Variants in CFAP46 observed in about 807,000 individuals in gnomAD.
CFAP46 encodes the protein cilia- and flagella-associated protein 46.
CFAP46 carries 245 observed loss-of-function variants against 325.7 expected under a neutral mutation model. The observed-to-expected ratio is 0.75, with a 90% CI of 0.68 to 0.84. The LOEUF (loss-of-function observed/expected upper bound fraction) is 0.84. Among genes scored for constraint, CFAP46 ranks in the 40% least tolerant of loss-of-function variants. The probability of loss-of-function intolerance (pLI) is 0.00; values close to 1 mark genes in which losing one functional copy is unlikely to be tolerated. For synonymous variants in CFAP46, 1,523 were observed against 1,495.9 expected (o/e 1.02, Z -0.42); for missense variants, 3,346 against 3,543.0 (o/e 0.94, Z 1.41).
intron 5 of CFAP46, 31 bp downstream of exon 5, chr10:132,938,558 G>A: frequency 1.2e-6 from 2 of 1,603,408 alleles, no homozygotes; most frequent in East Asian, 2.2e-5. Flanking sequence ...CCCACCGGGA[G>A]GCCACAGAGG....
intron 38 of CFAP46, among the ~76,000 whole-genome samples, chr10:132,858,598 C>T (rs1487286510): frequency 1.3e-5 from 2 of 152,030 alleles, no homozygotes; most frequent in Non-Finnish European, 2.9e-5. Context: ...CGTCTGCGGC[C>T]GCGCTACAGA....
At chr10:132,862,397 CG>C (rs1848735144) in intron 35 of CFAP46, among the ~76,000 whole-genome samples, 2 of 69,148 alleles carry the variant, frequency 2.9e-5, no homozygotes, top group Admixed American at 2.2e-4. Flanking sequence ...AGAGCTTGGC[CG>C]GGGGTGAGGA....
intron 50 of CFAP46, among the ~76,000 whole-genome samples, chr10:132,818,286 C>G (rs895455458): frequency 1.1e-4 from 17 of 151,892 alleles, no homozygotes; most frequent in African/African-American, 3.9e-4. Context: ...AACTCCACTT[C>G]ACACTCCACA....
rs867681890 is a variant in CFAP46, at chr10:132,822,587, C to T, written c.7118-7673G>A. ...ATGTGTGCTGTGTGTGTGCTGTGTG[C>T]TGTGTGAGTGCTGATGTGTGCTGTG... On this transcript the variant is annotated intron_variant, in intron 50 of 57. Transcript: ENST00000368586. Among the ~76,000 whole-genome samples the T allele has an allele frequency of 5.4e-3, 627 of 116,786 alleles. 7 individuals are homozygous for T. In the Middle Eastern group the frequency reaches 0.083, roughly 16 times the overall value. 76.6% of individuals were successfully genotyped at this position (116,786 alleles called of 152,430 possible). A position where few individuals can be genotyped will look rare whatever the true frequency, so the allele number is the denominator to read the frequency against.
intron 50 of CFAP46, among the ~76,000 whole-genome samples, chr10:132,830,770 T>C (rs1591040457): frequency 6.6e-6 from 1 of 152,248 alleles, no homozygotes; most frequent in East Asian, 1.9e-4. Context: ...CTGGTTTGTG[T>C]TTCTGTTTCC....
chr10:132,822,268 TGTGC>T (rs1565036093), intron 50 of CFAP46, among the ~76,000 whole-genome samples: 2 of 83,540 alleles, frequency 2.4e-5, no homozygotes, highest in South Asian at 4.4e-4. Flanking sequence ...GTGCTGTGTG[TGTGC>T]TGTGTGAGTG....
chr10:132,841,207 G>A (rs550236559), intron 44 of CFAP46, among the ~76,000 whole-genome samples: 1 of 152,308 alleles, frequency 6.6e-6, no homozygotes, highest in South Asian at 2.1e-4. Flanking sequence ...TTATCTATGA[G>A]CCTGTGAAAT....
rs773734459 is a variant in CFAP46 at position 132,926,622 on chromosome 10, C to T, written c.1011G>A (p.Ser337=). 1.2e-5 allele frequency: 18 copies of T among 1,536,124 alleles called. No homozygotes were observed. Among genetic ancestry groups the T allele is most frequent in the African/African-American group, 4.1e-5 (3 of 73,042 alleles). The change falls in exon 10 of 58, where the codon TCG becomes TCA. Residue 337 remains serine (S), a synonymous_variant. Transcript: ENST00000368586. Reference sequence around the variant, plus strand: ...TCTTACTTTCAAGTCTTAAAGCTTCCGATTCACACTCCAGACATTCCATTT... The same window carrying T: ...TCTTACTTTCAAGTCTTAAAGCTTCTGATTCACACTCCAGACATTCCATTT... ...LIEMECLECE[S]EALRLESKMK...
chr10:132,832,887 G>A lies in CFAP46; in HGVS notation c.7117+471C>T, dbSNP rs149834546. On this transcript the variant is annotated intron_variant, in intron 50 of 57. Coordinates refer to ENST00000368586, the MANE Select transcript of CFAP46 (RefSeq NM_001200049.3). The surrounding 1 kb of genome is among the most constrained non-coding windows in gnomAD (Gnocchi z 4.1). Reference sequence around the variant, plus strand: ...AGGTATTTGTGGGGGCAAGAACAGCGTTAAGTTTGTCTTCCCTGTGTGTTT... The same window carrying A: ...AGGTATTTGTGGGGGCAAGAACAGCATTAAGTTTGTCTTCCCTGTGTGTTT... 56 of 459,040 alleles carry A rather than the reference G, an allele frequency of 1.2e-4. No homozygotes were observed. In the East Asian group the frequency reaches 2.4e-3, roughly 20 times the overall value. The allele number at this position is 459,040 out of a possible 1,614,324, so 28.4% of individuals were successfully genotyped here. A position where few individuals can be genotyped will look rare whatever the true frequency, so the allele number is the denominator to read the frequency against.
rs1028224363 is a variant in CFAP46, at chr10:132,939,313, T to A, written c.372-560A>T. 1.3e-5 allele frequency among the ~76,000 whole-genome samples: 2 copies of A among 151,688 alleles called. No individual in the cohort carries two copies. Among genetic ancestry groups the A allele is most frequent in the African/African-American group, 4.8e-5 (2 of 41,248 alleles). ...AAAGTTCCCGTCTGCCAGCATAGAG[T>A]GTGAAGTGGAGGAGGGTGGGCTGGA... On this transcript the variant is annotated intron_variant, in intron 4 of 57. Transcript: ENST00000368586. This position sits in a 1 kb window ranked among gnomAD's most constrained non-coding sequence, Gnocchi z 4.6.
At chr10:132,912,223 TCTC>T (rs1849551904) in intron 19 of CFAP46, among the ~76,000 whole-genome samples, 2 of 46,466 alleles carry the variant, frequency 4.3e-5, no homozygotes, top group Non-Finnish European at 5.2e-5. Context: ...TCCTCTCTCT[TCTC>T]CTCTCTCCTG....
rs763320796 is a variant in CFAP46 at position 132,879,452 on chromosome 10, A to G, written c.3979T>C (p.Tyr1327His). 2 of 1,536,344 alleles carry G rather than the reference A, an allele frequency of 1.3e-6. No individual in the cohort carries two copies. Among genetic ancestry groups the G allele is most frequent in the Non-Finnish European group, 1.8e-6 (2 of 1,139,164 alleles). The change falls in exon 29 of 58, where the codon TAC (tyrosine) becomes CAC (histidine). Residue 1327 changes from tyrosine to histidine, a missense_variant. By Grantham distance (83) the Tyr-to-His change is moderately conservative. Coordinates refer to ENST00000368586, the MANE Select transcript of CFAP46 (RefSeq NM_001200049.3). ...EGYEDCCLAA[Y>H]AFFRHIWQVS... ...TGCCAGATGTGCCTGAAGAAGGCGT[A>G]GGCTGCAAGGCAGCAGTCCTCGTAG...
At chr10:132,867,741 C>T (rs1234598670) in intron 33 of CFAP46, among the ~76,000 whole-genome samples, 1 of 152,212 alleles carries the variant, frequency 6.6e-6, no homozygotes, top group Non-Finnish European at 1.5e-5. Context: ...TGTTTGACAG[C>T]CAGGGGTGTT....
intron 49 of CFAP46, 33 bp downstream of exon 49, chr10:132,834,008 C>A: frequency 1.2e-6 from 2 of 1,603,318 alleles, no homozygotes; most frequent in Non-Finnish European, 1.7e-6. Flanking sequence ...GGATGAGCTC[C>A]CCAGGCTGAG....
At chr10:132,844,939 G>C (rs1026679552) in intron 44 of CFAP46, among the ~76,000 whole-genome samples, 1 of 152,090 alleles carries the variant, frequency 6.6e-6, no homozygotes, top group Admixed American at 6.5e-5. Context: ...CTGCAGCCTC[G>C]AACTCCTGGG....
chr10:132,841,454 C>T (rs1848344610), intron 44 of CFAP46, among the ~76,000 whole-genome samples: 1 of 152,242 alleles, frequency 6.6e-6, no homozygotes, highest in South Asian at 2.1e-4. Context: ...CACATGGCTG[C>T]TCTTATGGGT....
chr10:132,892,307 G>A (rs1379572822), intron 25 of CFAP46, 26 bp downstream of exon 25: 3 of 1,547,022 alleles, frequency 1.9e-6, no homozygotes, highest in African/African-American at 1.4e-5. Context: ...CCTGGAGCCT[G>A]TGGGTCTGTC....
In CFAP46 at chr10:132,860,861, C is replaced by T; in HGVS notation, c.5012G>A (p.Ser1671Asn). The T allele has an allele frequency of 1.3e-6, 2 of 1,551,046 alleles. No homozygotes were observed. The highest frequency in any genetic ancestry group is 1.7e-6 in the Non-Finnish European group (2 of 1,147,090). Residue 1671 changes from serine (S) to asparagine (N), a missense_variant, in exon 36 of 58, where the codon AGT becomes AAT. Coordinates refer to ENST00000368586, the MANE Select transcript of CFAP46 (RefSeq NM_001200049.3). ...AGTGGAATTGTACCAGAACTCCTCACTTCCGCCCAGGTGCTGGGCCTGTGC... is the reference window on the plus strand; with the variant it reads ...AGTGGAATTGTACCAGAACTCCTCATTTCCGCCCAGGTGCTGGGCCTGTGC... ...MIAQAQHLGG[S>N]EEFWYNSTLT...
At chr10:132,836,245 G>C in intron 45 of CFAP46, 27 bp from the exon 46 acceptor site, 1 of 1,606,482 alleles carries the variant, frequency 6.2e-7, no homozygotes, top group South Asian at 1.1e-5. Flanking sequence ...GGCCAGGGTC[G>C]CAGGCAAGCC....
Sources: gnomAD v4.1 joint callset for allele counts (sites outside exome capture counted in the v4.1 genomes callset) on GRCh38, gnomAD v4.1.1 for gene constraint, Gnocchi (gnomAD v3.1) non-coding constraint, MANE v1.5 for transcripts, NCBI Gene and HGNC (gene_info 2026-07-23, HGNC 2026-07-21) for gene names.